The following PDGFRL variants were observed in gnomAD, a reference collection of about 807,000 sequenced individuals.
The protein encoded by PDGFRL is platelet-derived growth factor receptor-like protein.
PDGFRL carries 46 observed loss-of-function variants against 37.2 expected under a neutral mutation model. The ratio of observed to expected loss-of-function variants is 1.24; its 90% CI spans 0.98 to 1.58. PDGFRL has a LOEUF of 1.58. Ranked by LOEUF, PDGFRL falls within the 40% of genes most tolerant of loss-of-function variation. The pLI is 0.00. For missense variants in PDGFRL, 692 were observed against 467.6 expected, an observed-to-expected ratio of 1.48 and a Z score of -4.43; for synonymous variants, 251 against 184.3, an observed-to-expected ratio of 1.36 and a Z score of -2.93.
At chr8:17,609,334 C>T (rs1485590700) in intron 2 of PDGFRL, among the ~76,000 whole-genome samples, 1 of 152,028 alleles carries the variant, frequency 6.6e-6, no homozygotes, top group Non-Finnish European at 1.5e-5. Context: ...TGATGAAACC[C>T]TATGTCTACT....
rs542021496 is a variant in PDGFRL at position 17,625,437 on chromosome 8, A to G, written c.506-3050A>G. 2.5e-4 allele frequency among the ~76,000 whole-genome samples: 35 copies of G among 140,542 alleles called. 1 individual carries two copies. The South Asian group carries it at 8.2e-3, about 33-fold the overall frequency. The allele number at this position is 140,542 out of a possible 152,430, so 92.2% of individuals were successfully genotyped here. On this transcript the variant is annotated intron_variant, in intron 3 of 5. Coordinates refer to ENST00000251630, the MANE Select transcript of PDGFRL (RefSeq NM_001372073.1). ...AGTGCCGGGATTACAGGCGTGAGCC[A>G]CTGCACCTGGTCGAGTTTTTTTTTT...
chr8:17,638,776 T>TATATATATATATAA (rs1563532521), intron 5 of PDGFRL, among the ~76,000 whole-genome samples: 64 of 106,018 alleles, frequency 6.0e-4, no homozygotes, highest in South Asian at 2.0e-3. Context: ...TATATATATA[T>TATATATATATATAA]ATATATATAT....
chr8:17,591,673 T>TGG, intron 2 of PDGFRL, among the ~76,000 whole-genome samples: 1 of 152,276 alleles, frequency 6.6e-6, no homozygotes, highest in East Asian at 1.9e-4. Context: ...CCCAGCACTT[T>TGG]GGGAGGCCAA....
intron 1 of PDGFRL, among the ~76,000 whole-genome samples, chr8:17,580,233 C>A (rs1803677041): frequency 6.6e-6 from 1 of 151,962 alleles, no homozygotes; most frequent in South Asian, 2.1e-4. Context: ...AGCAATATAG[C>A]CAGATCTCTA....
At chr8:17,635,242 C>T (rs1447344124) in intron 5 of PDGFRL, among the ~76,000 whole-genome samples, 1 of 152,190 alleles carries the variant, frequency 6.6e-6, no homozygotes, top group African/African-American at 2.4e-5. Context: ...ATCACTTGAG[C>T]AGTGTACACT....
rs58258318 is a variant in PDGFRL, at chr8:17,616,255, C to T, written c.354-4796C>T. On this transcript the variant is annotated intron_variant, in intron 2 of 5. Transcript: ENST00000251630. ...CTGTCACCAGGCCGGAGTGCAGTGC[C>T]GCAATCTCAGCTCACTGCAACCTCC... Among the ~76,000 whole-genome samples the T allele has an allele frequency of 8.6e-3, 1,306 of 151,892 alleles. 20 individuals are homozygous for T. Among genetic ancestry groups the T allele is most frequent in the African/African-American group, 0.029 (1,207 of 41,390 alleles).
chr8:17,603,046 G>C (rs185204196), intron 2 of PDGFRL, among the ~76,000 whole-genome samples: 6 of 152,274 alleles, frequency 3.9e-5, no homozygotes, highest in African/African-American at 7.2e-5. Context: ...GCAGTGGCAC[G>C]ATCTCAGCTT....
At chr8:17,637,981 TTTTA>T (rs1452763829) in intron 5 of PDGFRL, among the ~76,000 whole-genome samples, 4 of 152,212 alleles carry the variant, frequency 2.6e-5, no homozygotes, top group East Asian at 1.9e-4. Flanking sequence ...AGTCTATCAG[TTTTA>T]TTTATCTTTT....
intron 4 of PDGFRL, among the ~76,000 whole-genome samples, chr8:17,633,807 A>T (rs1186702315): frequency 6.6e-6 from 1 of 152,014 alleles, no homozygotes; most frequent in African/African-American, 2.4e-5. Context: ...CCACTGATGG[A>T]CCTCTGAGCT....
chr8:17,632,062 C>T (rs1014196458), intron 4 of PDGFRL, among the ~76,000 whole-genome samples: 2 of 152,226 alleles, frequency 1.3e-5, no homozygotes, highest in African/African-American at 2.4e-5. Flanking sequence ...TCAGTGCCAT[C>T]CTCCCTGGAC....
chr8:17,628,699 C>T lies in PDGFRL; in HGVS notation c.718C>T (p.His240Tyr). Residue 240 changes from histidine to tyrosine, a missense_variant, in exon 4 of 6, where the codon CAC becomes TAC. Coordinates refer to ENST00000251630, the MANE Select transcript of PDGFRL (RefSeq NM_001372073.1). ...TGTGTATCTGCAACCTCATTCCGAGCACCAGGGTGTGGTTTACTGCAGGGC... is the reference window on the plus strand; with the variant it reads ...TGTGTATCTGCAACCTCATTCCGAGTACCAGGGTGTGGTTTACTGCAGGGC... ...GFVYLQPHSEHQGVVYCRAEA... is the reference protein window; with the variant it reads ...GFVYLQPHSEYQGVVYCRAEA... 1 of 1,613,918 alleles carries T rather than the reference C, an allele frequency of 6.2e-7. No homozygotes were observed.
intron 2 of PDGFRL, among the ~76,000 whole-genome samples, chr8:17,618,313 C>T (rs1804568549): frequency 2.0e-5 from 3 of 152,188 alleles, no homozygotes; most frequent in Admixed American, 1.3e-4. Context: ...GCCTCAGCCT[C>T]CCAAAGTGTT....
chr8:17,621,806 A>G (rs1400580339), intron 3 of PDGFRL, among the ~76,000 whole-genome samples: 1 of 152,120 alleles, frequency 6.6e-6, no homozygotes. Flanking sequence ...ATGCTTCACT[A>G]AAGACCTCCC....
chr8:17,638,178 T>C (rs769571588), intron 5 of PDGFRL, among the ~76,000 whole-genome samples: 2 of 152,208 alleles, frequency 1.3e-5, no homozygotes, highest in Non-Finnish European at 2.9e-5. Flanking sequence ...ATGTAGTCAT[T>C]TAATGCTATG....
At position 17,589,545 on chromosome 8, in the gene PDGFRL, G is replaced by C; in HGVS notation, c.133G>C (p.Val45Leu). 1 of 1,613,772 alleles carries C rather than the reference G, an allele frequency of 6.2e-7. No homozygotes were observed. The highest frequency in any genetic ancestry group is 8.5e-7 in the Non-Finnish European group (1 of 1,179,664). Residue 45 changes from valine (V) to leucine (L), a missense_variant, in exon 2 of 6, where the codon GTG becomes CTG. Physicochemically the swap from Val to Leu is conservative, Grantham distance 32. Transcript: ENST00000251630. Reference sequence around the variant, plus strand: ...TAGAATCAAACCTACCAACAAGAAGGTGAAGCCCAAAATTCCTAAAATGAA... The same window carrying C: ...TAGAATCAAACCTACCAACAAGAAGCTGAAGCCCAAAATTCCTAAAATGAA... The part of the protein sequence containing the change: ...ENRIKPTNKK[V>L]KPKIPKMKDR...
intron 3 of PDGFRL, among the ~76,000 whole-genome samples, chr8:17,627,998 T>C: frequency 7.5e-6 from 1 of 133,502 alleles, no homozygotes; most frequent in African/African-American, 2.9e-5. Context: ...TCTTTTTTTT[T>C]TTTTTTTTTT....
chr8:17,595,439 G>T (rs1447003214), intron 2 of PDGFRL, among the ~76,000 whole-genome samples: 1 of 152,146 alleles, frequency 6.6e-6, no homozygotes, highest in Non-Finnish European at 1.5e-5. Flanking sequence ...CTAGGTAGCC[G>T]CCCTATTTTG....
chr8:17,577,560 C>T (rs1054311778), intron 1 of PDGFRL, among the ~76,000 whole-genome samples: 8 of 151,844 alleles, frequency 5.3e-5, no homozygotes, highest in African/African-American at 1.9e-4. Context: ...CAGGACCTCT[C>T]CAAGTCCCCA....
intron 1 of PDGFRL, among the ~76,000 whole-genome samples, chr8:17,580,313 G>A (rs576661800): frequency 1.1e-4 from 16 of 151,640 alleles, no homozygotes; most frequent in Admixed American, 3.9e-4. Context: ...TCGTGTCTTC[G>A]TTTATTTTTG....
Sources: gnomAD v4.1 joint callset for allele counts (sites outside exome capture counted in the v4.1 genomes callset) on GRCh38, gnomAD v4.1.1 for gene constraint, MANE v1.5 for transcripts, NCBI Gene and HGNC (gene_info 2026-07-23, HGNC 2026-07-21) for gene names.